Variants in YIPF6 observed in about 807,000 individuals in gnomAD.
YIPF6 encodes the protein Yip1 domain family member 6, also known as protein YIPF6.
A neutral mutation model predicts 16.8 loss-of-function variants in YIPF6; 3 were observed. That is an observed-to-expected ratio of 0.18 (90% confidence interval 0.08 to 0.46). The LOEUF (loss-of-function observed/expected upper bound fraction) is 0.46. YIPF6 is among the 20% of genes least tolerant of loss of function. The probability of loss-of-function intolerance (pLI) is 0.98; values close to 1 mark genes in which losing one functional copy is unlikely to be tolerated. For missense variants in YIPF6, 145 were observed against 184.9 expected, an observed-to-expected ratio of 0.78 and a Z score of 1.25; for synonymous variants, 67 against 61.9, an observed-to-expected ratio of 1.08 and a Z score of -0.38.
Position 68,518,830 on chromosome X carries a change from CT to C in YIPF6, c.308+21del, listed in dbSNP as rs1426792588. On this transcript the variant is annotated intron_variant, in intron 4 of 6. Transcript: ENST00000462683. ...CTCGCATTGTAAGTACTTGCATTTT[CT>C]TTCTTTGTCATTTGAGCTAGACTAG... 10 of 1,164,735 alleles carry C rather than the reference CT, an allele frequency of 8.6e-6. No homozygotes were observed. Among genetic ancestry groups the C allele is most frequent in the Non-Finnish European group, 1.1e-5 (10 of 876,616 alleles).
intron 6 of YIPF6, among the ~76,000 whole-genome samples, chrX:68,530,604 C>T (rs1304932091): frequency 9.0e-6 from 1 of 111,125 alleles, no homozygotes; most frequent in African/African-American, 3.3e-5. Context: ...CATAGGCATC[C>T]GAGGGAGTGT....
intron 6 of YIPF6, among the ~76,000 whole-genome samples, chrX:68,531,364 A>G (rs982868992): frequency 1.8e-5 from 2 of 111,691 alleles, no homozygotes; most frequent in African/African-American, 6.5e-5. Context: ...ACCTCTGGTG[A>G]TCCGCCTGCC....
chrX:68,524,058 A>G (rs2079137458), intron 6 of YIPF6, among the ~76,000 whole-genome samples: 2 of 111,892 alleles, frequency 1.8e-5, no homozygotes, highest in African/African-American at 6.5e-5. Flanking sequence ...GAGCAGCCCG[A>G]CGTGAAAACA....
At chrX:68,529,131 G>A (rs2079161228) in intron 6 of YIPF6, among the ~76,000 whole-genome samples, 1 of 110,293 alleles carries the variant, frequency 9.1e-6, no homozygotes, top group Non-Finnish European at 1.9e-5. Context: ...AGGTAGGTTT[G>A]GTCTTTTCAC....
intron 1 of YIPF6, among the ~76,000 whole-genome samples, chrX:68,500,252 C>T (rs1403529798): frequency 8.9e-6 from 1 of 111,972 alleles, no homozygotes; most frequent in African/African-American, 3.2e-5. Flanking sequence ...TCCTGTCCCT[C>T]TTCTCAATGT....
chrX:68,524,576 G>T (rs185651244), intron 6 of YIPF6, among the ~76,000 whole-genome samples: 22 of 108,705 alleles, frequency 2.0e-4, no homozygotes, highest in Admixed American at 1.7e-3. Context: ...GAACATGCAG[G>T]TTTGTTACAT....
At chrX:68,501,869 A>C (rs547439138) in intron 1 of YIPF6, among the ~76,000 whole-genome samples, 33 of 111,333 alleles carry the variant, frequency 3.0e-4, no homozygotes, top group African/African-American at 1.1e-3. Context: ...CTTAGGTTTG[A>C]TTCTAAGCAC....
intron 1 of YIPF6, 54 bp downstream of exon 1, chrX:68,499,177 A>G (rs753709260): frequency 1.7e-4 from 191 of 1,137,206 alleles, no homozygotes; most frequent in Non-Finnish European, 2.0e-4. Context: ...AGTGCCCCCT[A>G]AAGAAGTCGG....
intron 1 of YIPF6, 70 bp downstream of exon 1, chrX:68,499,193 G>A: frequency 9.0e-7 from 1 of 1,114,907 alleles, no homozygotes; most frequent in Non-Finnish European, 1.2e-6. Flanking sequence ...GTCGGGGGAC[G>A]GGCTCGTGGC....
chrX:68,517,102 A>G (rs1421831285), intron 3 of YIPF6, among the ~76,000 whole-genome samples: 5 of 109,684 alleles, frequency 4.6e-5, no homozygotes, highest in Non-Finnish European at 9.5e-5. Flanking sequence ...GATTACAGGC[A>G]TGAGCTACCG....
rs2079181433 is a variant in YIPF6, at chrX:68,533,923, C to A, written c.*1924C>A. The stretch of plus-strand genomic sequence containing the variant: ...AAATTAAAGAAGTAACCATGCTTCT[C>A]AAGGGGGAATTAAAAGTGTTTATTG... On this transcript the variant is annotated 3_prime_UTR_variant, in exon 7 of 7. Coordinates refer to ENST00000462683, the MANE Select transcript of YIPF6 (RefSeq NM_173834.4). The A allele has an allele frequency of 8.9e-6, 1 of 112,157 alleles. No individual in the cohort carries two copies. Among genetic ancestry groups the A allele is most frequent in the South Asian group, 3.7e-4 (1 of 2,734 alleles). 9.2% of individuals were successfully genotyped at this position (112,157 alleles called of 1,213,427 possible).
intron 5 of YIPF6, among the ~76,000 whole-genome samples, chrX:68,521,852 C>T (rs964149797): frequency 1.8e-5 from 2 of 110,192 alleles, no homozygotes; most frequent in Non-Finnish European, 3.8e-5. Context: ...CCTTGGCCTC[C>T]CAAAATGCTG....
In YIPF6 at chrX:68,513,360, A is replaced by G; in HGVS notation, c.220A>G (p.Met74Val). Residue 74 changes from methionine (M) to valine (V), a missense_variant, in exon 3 of 7, where the codon ATG becomes GTG. Coordinates refer to ENST00000462683, the MANE Select transcript of YIPF6 (RefSeq NM_173834.4). Reference protein sequence around the residue: ...RDLKAVGKKFMHVLYPRKSNT... With the variant: ...RDLKAVGKKFVHVLYPRKSNT... ...TCTAAAAGCTGTTGGGAAAAAATTC[A>G]TGCATGTTTTGTACCCAAGGAAAAG... is the stretch of plus-strand genomic sequence containing the variant. 1 of 1,208,076 alleles carries G rather than the reference A, an allele frequency of 8.3e-7. No homozygotes were observed. Among genetic ancestry groups the G allele is most frequent in the South Asian group, 1.8e-5 (1 of 56,188 alleles).
chrX:68,511,888 C>T lies in YIPF6; in HGVS notation c.97C>T (p.Pro33Ser). 8.3e-7 allele frequency: 1 copy of T among 1,209,749 alleles called. No individual in the cohort carries two copies. The highest frequency in any genetic ancestry group is 1.1e-6 in the Non-Finnish European group (1 of 894,871). Residue 33 changes from proline (P) to serine (S), a missense_variant, in exon 2 of 7, where the codon CCC becomes TCC. Physicochemically the swap from Pro to Ser is moderately conservative, Grantham distance 74 (BLOSUM62 -1). Transcript: ENST00000462683. ...AGATATATCCATCTCACAAGACATC[C>T]CCGTAGAAGGAGAAATCACCATTCC... ...LSDISISQDI[P>S]VEGEITIPMR... is the part of the protein sequence containing the mutation.
intron 6 of YIPF6, 111 bp downstream of exon 6, chrX:68,523,028 C>A: frequency 1.1e-6 from 1 of 935,137 alleles, no homozygotes; most frequent in Non-Finnish European, 1.5e-6. Flanking sequence ...TGATATGATT[C>A]TTGATAGTAT....
intron 3 of YIPF6, chrX:68,515,160 A>G (rs1364115751): frequency 9.3e-6 from 1 of 107,106 alleles, no homozygotes; most frequent in Non-Finnish European, 1.9e-5. Flanking sequence ...CCCCGTCTCT[A>G]CTAAAAATAC....
At chrX:68,508,856 T>G (rs2079069431) in intron 1 of YIPF6, among the ~76,000 whole-genome samples, 1 of 111,532 alleles carries the variant, frequency 9.0e-6, no homozygotes, top group Non-Finnish European at 1.9e-5. Flanking sequence ...TTCATGTGAG[T>G]ATGGGGGAGA....
rs764840460 is a variant in YIPF6, at chrX:68,521,376, C to T, written c.313C>T (p.Leu105=). The T allele has an allele frequency of 1.7e-6, 2 of 1,208,983 alleles. No individual in the cohort carries two copies. The highest frequency in any genetic ancestry group is 2.2e-6 in the Non-Finnish European group (2 of 894,555). Residue 105 remains leucine (L), a synonymous_variant, in exon 5 of 7, where the codon CTG becomes TTG. Transcript: ENST00000462683. The stretch of plus-strand genomic sequence containing the variant: ...TACGCTGTTTCCTTTTCTCAGAATG[C>T]TGCAAAGAGACTCTGCAGATAGTGA... ...LILCVTLALM[L]QRDSADSEKD...
At chrX:68,508,048 A>G (rs2079066521) in intron 1 of YIPF6, among the ~76,000 whole-genome samples, 1 of 105,176 alleles carries the variant, frequency 9.5e-6, no homozygotes, top group Non-Finnish European at 1.9e-5. Context: ...ATTCATCTTG[A>G]TTGGGGTTCT....
Sources: allele counts gnomAD v4.1 joint callset (sites outside exome capture counted in the v4.1 genomes callset), GRCh38; gene constraint gnomAD v4.1.1; transcripts MANE v1.5; gene names NCBI Gene and HGNC (gene_info 2026-07-23, HGNC 2026-07-21).